MACF1: variants seen among roughly 807,000 people sequenced by gnomAD.
MACF1 encodes the protein microtubule-actin cross-linking factor 1.
Under a neutral mutation model 854.8 loss-of-function variants are expected in MACF1, and 193 were observed. That is an observed-to-expected ratio of 0.23 (90% CI 0.20 to 0.25). The LOEUF (loss-of-function observed/expected upper bound fraction) is 0.25, where lower values mean the gene tolerates loss of function less well. MACF1 is among the 10% of genes least tolerant of loss of function. The pLI, the probability that MACF1 is intolerant of heterozygous loss-of-function variation, is 1.00. For synonymous variants in MACF1, 3,185 were observed against 3,226.7 expected (o/e 0.99, Z 0.44); for missense variants, 7,722 against 8,929.1 (o/e 0.86, Z 5.45).
At chr1:39,451,698 C>T (rs778443249) in intron 85 of MACF1, among the ~76,000 whole-genome samples, 9 of 152,076 alleles carry the variant, frequency 5.9e-5, no homozygotes, top group African/African-American at 9.7e-5. Flanking sequence ...ACAACAGATT[C>T]TTATTATGTG....
In MACF1 at chr1:39,285,384, G is replaced by T. The variant is rs1418578243; in HGVS notation, c.1347G>T (p.Leu449=). The T allele has an allele frequency of 6.2e-7, 1 of 1,613,832 alleles. No homozygotes were observed. Among genetic ancestry groups the T allele is most frequent in the Non-Finnish European group, 8.5e-7 (1 of 1,179,998 alleles). The change falls in exon 13 of 101, where the codon CTG becomes CTT. Residue 449 remains leucine (L), a synonymous_variant. Transcript: ENST00000564288. ...AACTGACACTAGCTAAGAATACACT[G>T]CAGGCTGTAAGTCTCTGACTGTTTT... The part of the protein sequence containing the change: ...EEKLTLAKNT[L]QADAAHLESG...
rs187062006 is a variant in MACF1, at chr1:39,483,216, G to A, written c.22282-1385G>A. On this transcript the variant is annotated intron_variant, in intron 99 of 100. Transcript: ENST00000564288. ...AAACATAGCACCTATTGGTAGCAGTGATAATAATATGTAGCTCTTTTCCAG... is the reference window on the plus strand; with the variant it reads ...AAACATAGCACCTATTGGTAGCAGTAATAATAATATGTAGCTCTTTTCCAG... Among the ~76,000 whole-genome samples the A allele has an allele frequency of 4.3e-3, 648 of 151,822 alleles. 4 individuals are homozygous for A. Among genetic ancestry groups the A allele is most frequent in the Non-Finnish European group, 6.4e-3 (437 of 68,002 alleles).
At chr1:39,436,384 A>T in intron 70 of MACF1, 1 of 1,284,216 alleles carries the variant, frequency 7.8e-7, no homozygotes, top group Non-Finnish European at 1.1e-6. Context: ...TCTCTCACTC[A>T]CATTGTGGAA....
At chr1:39,446,165 A>T (rs1035171439) in intron 80 of MACF1, among the ~76,000 whole-genome samples, 3 of 152,226 alleles carry the variant, frequency 2.0e-5, no homozygotes, top group Non-Finnish European at 4.4e-5. Context: ...AGGATAGTTT[A>T]TTATTTTGCA....
chr1:39,131,166 TTTTTTTTTTTTTTAAGAGACAG>T (rs990033246), intron 2 of MACF1, among the ~76,000 whole-genome samples: 34 of 137,402 alleles, frequency 2.5e-4, no homozygotes, highest in Non-Finnish European at 4.6e-4. Flanking sequence ...TTTTTTTTTT[TTTTTTTTTTTTTTAAGAGACAG>T]AGTCTTGTTC....
intron 2 of MACF1, among the ~76,000 whole-genome samples, chr1:39,120,173 C>T (rs1046410972): frequency 6.6e-5 from 10 of 151,886 alleles, no homozygotes; most frequent in East Asian, 1.9e-4. Flanking sequence ...CGTGAGCCAC[C>T]GCACCTGGCC....
At chr1:39,155,093 T>C (rs778696631) in intron 2 of MACF1, among the ~76,000 whole-genome samples, 5 of 152,198 alleles carry the variant, frequency 3.3e-5, no homozygotes, top group Non-Finnish European at 7.4e-5. Context: ...GAACTATGGT[T>C]CTTTGAAATG....
chr1:39,457,223 G>T (rs572362938), intron 89 of MACF1: 1 of 152,322 alleles, frequency 6.6e-6, no homozygotes, highest in South Asian at 2.1e-4. Flanking sequence ...CTTGCCTGAC[G>T]TCATTTGTCC....
chr1:39,450,904 C>T (rs773407455), intron 84 of MACF1, 148 bp from the exon 85 acceptor site: 88 of 871,304 alleles, frequency 1.0e-4, no homozygotes, highest in Non-Finnish European at 1.5e-4. Flanking sequence ...AGCCACCGCG[C>T]CCGGCCTTTA....
chr1:39,480,913 T>C lies in MACF1; in HGVS notation c.22171-7T>C. On this transcript the variant is annotated splice_polypyrimidine_tract_variant and splice_region_variant and intron_variant, in intron 98 of 100. Coordinates refer to ENST00000564288, the MANE Select transcript of MACF1 (RefSeq NM_001394062.1). ...CCTGTCCTTCCCTTTGGATTTCCGT[T>C]TCACAGACTTCACTTCAGTTCTCTC... The C allele has an allele frequency of 6.7e-7, 1 of 1,501,708 alleles. No individual in the cohort carries two copies. Among genetic ancestry groups the C allele is most frequent in the Admixed American group, 2.0e-5 (1 of 50,862 alleles). 93.0% of individuals were successfully genotyped at this position (1,501,708 alleles called of 1,614,324 possible). A position where few individuals can be genotyped will look rare whatever the true frequency, so the allele number is the denominator to read the frequency against.
chr1:39,456,362 A>C (rs184784688), intron 89 of MACF1, among the ~76,000 whole-genome samples: 24 of 152,242 alleles, frequency 1.6e-4, no homozygotes, highest in Admixed American at 1.4e-3. Context: ...GTGCCCATCC[A>C]ACCATTCTTT....
At chr1:39,251,983 T>A (rs1256038212) in intron 4 of MACF1, 42 bp downstream of exon 4, 3 of 1,371,318 alleles carry the variant, frequency 2.2e-6, no homozygotes, top group Non-Finnish European at 1.9e-6. Context: ...CTGGCACTGC[T>A]GGCACTGCAG....
chr1:39,484,864 C>G lies in MACF1; in HGVS notation c.22411+134C>G, dbSNP rs780784656. 1.9e-5 allele frequency: 19 copies of G among 990,838 alleles called. No homozygotes were observed. The South Asian group carries it at 2.0e-4, about 11-fold the overall frequency. The allele number at this position is 990,838 out of a possible 1,614,324, so 61.4% of individuals were successfully genotyped here. ...TGTGATGCCCAGAAAGACAGACCTG[C>G]AGATGCTCAAGTGACCTTTACTTTT... On this transcript the variant is annotated intron_variant, in intron 100 of 100. Transcript: ENST00000564288.
intron 1 of MACF1, among the ~76,000 whole-genome samples, chr1:39,217,230 G>T (rs1644587039): frequency 6.7e-6 from 1 of 148,262 alleles, no homozygotes; most frequent in Admixed American, 6.8e-5. Flanking sequence ...ATCACTTCAT[G>T]ATTTAGGGTC....
chr1:39,437,692 A>T (rs1305285282), intron 70 of MACF1, 85 bp from the exon 71 acceptor site: 1 of 1,045,698 alleles, frequency 9.6e-7, no homozygotes, highest in Non-Finnish European at 1.5e-6. Context: ...CAGTAGTAGG[A>T]TAATATCTTG....
chr1:39,233,028 G>GTTGTGTT (rs552837381), intron 2 of MACF1, among the ~76,000 whole-genome samples: 75 of 84,982 alleles, frequency 8.8e-4, no homozygotes, highest in African/African-American at 2.5e-3. Flanking sequence ...TGTTGTTGTT[G>GTTGTGTT]TTGTGTTTTG....
At chr1:39,419,187 A>G (rs1354030500) in intron 58 of MACF1, among the ~76,000 whole-genome samples, 1 of 152,242 alleles carries the variant, frequency 6.6e-6, no homozygotes, top group Non-Finnish European at 1.5e-5. Flanking sequence ...TATTCAAAAT[A>G]GATAATATTT....
chr1:39,326,300 A>T (rs957225775), intron 35 of MACF1, among the ~76,000 whole-genome samples: 3 of 152,206 alleles, frequency 2.0e-5, no homozygotes, highest in African/African-American at 7.2e-5. Context: ...AGAGGTGGTT[A>T]CCTTTGGGAA....
At chr1:39,201,408 A>C (rs1644388367), upstream of MACF1, among the ~76,000 whole-genome samples, 1 of 151,892 alleles carries the variant, frequency 6.6e-6, no homozygotes, top group Admixed American at 6.6e-5. Context: ...CCCAGGCTGG[A>C]GTGGCGCGAT....
Sources: gnomAD v4.1 joint callset for allele counts (sites outside exome capture counted in the v4.1 genomes callset) on GRCh38, gnomAD v4.1.1 for gene constraint, MANE v1.5 for transcripts, NCBI Gene and HGNC (gene_info 2026-07-23, HGNC 2026-07-21) for gene names.